Variants in RGS9 observed in about 807,000 individuals in gnomAD.
The protein encoded by RGS9 is regulator of G protein signaling 9.
Under a neutral mutation model 102.0 loss-of-function variants are expected in RGS9, and 78 were observed. The observed-to-expected ratio is 0.76, with a 90% CI of 0.64 to 0.92. The LOEUF (loss-of-function observed/expected upper bound fraction) is 0.92. Among genes scored for constraint, RGS9 ranks in the 40% least tolerant of loss-of-function variants. The probability of loss-of-function intolerance (pLI) is 0.00; values close to 1 mark genes in which losing one functional copy is unlikely to be tolerated. For missense variants in RGS9, 833 were observed against 866.1 expected (o/e 0.96, Z 0.48); for synonymous variants, 353 against 318.6 (o/e 1.11, Z -1.15).
At chr17:65,208,153 C>G (rs954840289) in intron 16 of RGS9, 146 bp downstream of exon 16, 2 of 660,836 alleles carry the variant, frequency 3.0e-6, no homozygotes, top group African/African-American at 1.8e-5. Flanking sequence ...GAATGAGTGC[C>G]TCATTTGCTT....
chr17:65,186,683 T>G (rs1238810787), intron 9 of RGS9, among the ~76,000 whole-genome samples: 1 of 152,178 alleles, frequency 6.6e-6, no homozygotes, highest in Non-Finnish European at 1.5e-5. Context: ...TGAATTTGAA[T>G]CCTGGCCCAT....
chr17:65,202,021 C>A lies in RGS9; in HGVS notation c.1005C>A (p.Cys335Ter), dbSNP rs371763831. ...SGENLGFWEA[C>*]EDLKYGDQSK... is the part of the protein sequence containing the mutation. ...AGAATCTGGGATTCTGGGAAGCCTG[C>A]GAGGATCTGAAGTATGGAGATCAGT... is the stretch of plus-strand genomic sequence containing the variant. Residue 335 changes from cysteine (C) to a stop codon, truncating the protein, a stop_gained, in exon 14 of 19, where the codon TGC becomes TGA. Transcript: ENST00000262406. LOFTEE classifies it high-confidence loss of function. 1.9e-6 allele frequency: 3 copies of A among 1,613,326 alleles called. No homozygotes were observed. Among genetic ancestry groups the A allele is most frequent in the Non-Finnish European group, 2.5e-6 (3 of 1,179,444 alleles).
At chr17:65,218,146 AG>A (rs1345255094) in intron 17 of RGS9, among the ~76,000 whole-genome samples, 1 of 152,232 alleles carries the variant, frequency 6.6e-6, no homozygotes, top group Non-Finnish European at 1.5e-5. Context: ...GTATGTTCAA[AG>A]GTGGCATAGA....
intron 15 of RGS9, among the ~76,000 whole-genome samples, chr17:65,206,669 T>G (rs183323172): frequency 5.8e-4 from 89 of 152,168 alleles, no homozygotes; most frequent in African/African-American, 2.0e-3. Context: ...AGAGTGAAAC[T>G]CCGTCTCAAA....
intron 9 of RGS9, among the ~76,000 whole-genome samples, chr17:65,184,049 G>A (rs1338701660): frequency 2.6e-5 from 4 of 152,208 alleles, no homozygotes; most frequent in Non-Finnish European, 5.9e-5. Context: ...GCTGAGATGA[G>A]GCATAAAGAA....
chr17:65,212,134 A>G (rs1182153679), intron 17 of RGS9, among the ~76,000 whole-genome samples: 2 of 152,232 alleles, frequency 1.3e-5, no homozygotes, highest in Non-Finnish European at 2.9e-5. Flanking sequence ...GGCTTCACAT[A>G]GTCTCTTCTA....
At chr17:65,169,904 A>G (rs1321266040) in intron 8 of RGS9, among the ~76,000 whole-genome samples, 2 of 147,692 alleles carry the variant, frequency 1.4e-5, no homozygotes, top group African/African-American at 2.5e-5. Context: ...GACCTCTACC[A>G]CCTCTCTTAT....
chr17:65,146,826 G>T (rs1290707337), intron 1 of RGS9, among the ~76,000 whole-genome samples: 1 of 152,134 alleles, frequency 6.6e-6, no homozygotes, highest in Non-Finnish European at 1.5e-5. Context: ...GGAGGTGGAG[G>T]TTACAGTGAG....
At chr17:65,180,328 G>A (rs59447194) in intron 9 of RGS9, among the ~76,000 whole-genome samples, 4,240 of 152,096 alleles carry the variant, frequency 0.028, 206 homozygotes, top group African/African-American at 0.097. Flanking sequence ...AGAAGGAATC[G>A]ATCCTTCTTT....
rs761326944 is a variant in RGS9 at position 65,168,235 on chromosome 17, C to T, written c.536C>T (p.Ala179Val). ...GAGAGGAACAAAGCAGACAGATATG[C>T]CCTGGACTGCCAGGAGAAGGCATAC... Reference protein sequence around the residue: ...GKERNKADRYALDCQEKAYWL... With the variant: ...GKERNKADRYVLDCQEKAYWL... Residue 179 changes from alanine to valine, a missense_variant, in exon 8 of 19, where the codon GCC becomes GTC. Ala to Val is a moderately conservative substitution (Grantham distance 64, BLOSUM62 0). Coordinates refer to ENST00000262406, the MANE Select transcript of RGS9 (RefSeq NM_003835.4). The T allele has an allele frequency of 6.2e-7, 1 of 1,611,370 alleles. No homozygotes were observed. Among genetic ancestry groups the T allele is most frequent in the South Asian group, 1.1e-5 (1 of 90,154 alleles).
At chr17:65,189,090 T>C (rs1028273277) in intron 9 of RGS9, 196 bp from the exon 10 acceptor site, 7 of 609,004 alleles carry the variant, frequency 1.1e-5, no homozygotes, top group African/African-American at 1.9e-5. Flanking sequence ...GCTTACAAAA[T>C]CTCTTGCTTG....
At chr17:65,143,197 G>A (rs1270724903) in intron 1 of RGS9, among the ~76,000 whole-genome samples, 3 of 152,112 alleles carry the variant, frequency 2.0e-5, no homozygotes, top group Non-Finnish European at 4.4e-5. Context: ...GTGGGTGGAG[G>A]ACATGAATGC....
intron 7 of RGS9, among the ~76,000 whole-genome samples, chr17:65,164,525 T>TG (rs1331286054): frequency 3.3e-5 from 5 of 152,154 alleles, no homozygotes; most frequent in Non-Finnish European, 7.4e-5. Context: ...CAGGAAGGTC[T>TG]AGACTTGCTG....
intron 6 of RGS9, among the ~76,000 whole-genome samples, chr17:65,161,264 T>C (rs1910970446): frequency 6.6e-6 from 1 of 152,232 alleles, no homozygotes; most frequent in Non-Finnish European, 1.5e-5. Flanking sequence ...TTTTTTTTGT[T>C]TTTTTGAGAC....
At chr17:65,186,875 C>T (rs1343555075) in intron 9 of RGS9, among the ~76,000 whole-genome samples, 1 of 152,210 alleles carries the variant, frequency 6.6e-6, no homozygotes, top group East Asian at 1.9e-4. Flanking sequence ...ACAGCTCCCC[C>T]TTTGAGCAGA....
intron 13 of RGS9, among the ~76,000 whole-genome samples, chr17:65,200,737 A>G (rs1410968390): frequency 5.9e-5 from 9 of 152,228 alleles, no homozygotes; most frequent in Middle Eastern, 3.2e-3. Flanking sequence ...GAACTGCACG[A>G]GACCACTTAT....
intron 9 of RGS9, among the ~76,000 whole-genome samples, chr17:65,184,780 CT>C (rs1912040401): frequency 7.8e-6 from 1 of 128,258 alleles, no homozygotes; most frequent in African/African-American, 3.7e-5. Context: ...TTCTTTGTTT[CT>C]TTCTCTTTCT....
chr17:65,184,697 C>T (rs1345741599), intron 9 of RGS9, among the ~76,000 whole-genome samples: 3 of 151,442 alleles, frequency 2.0e-5, no homozygotes, highest in African/African-American at 7.3e-5. Flanking sequence ...CTTTCCTTCC[C>T]TCCTTCATTC....
chr17:65,221,692 C>A (rs977980544), intron 17 of RGS9, among the ~76,000 whole-genome samples: 1 of 152,190 alleles, frequency 6.6e-6, no homozygotes, highest in African/African-American at 2.4e-5. Flanking sequence ...CAAACACTTC[C>A]CGCGGTTCTG....
Sources: allele counts gnomAD v4.1 joint callset (sites outside exome capture counted in the v4.1 genomes callset), GRCh38; gene constraint gnomAD v4.1.1; transcripts MANE v1.5; gene names NCBI Gene and HGNC (gene_info 2026-07-23, HGNC 2026-07-21).